STK24: variants seen among roughly 807,000 people sequenced by gnomAD.
STK24 encodes serine/threonine-protein kinase 24.
Under a neutral mutation model 55.6 loss-of-function variants are expected in STK24, and 21 were observed. That is an observed-to-expected ratio of 0.38 (90% confidence interval 0.27 to 0.54). The LOEUF is 0.54. Ranked by LOEUF, STK24 falls within the 20% of genes least tolerant of loss-of-function variation. STK24 has a pLI of 0.79. For synonymous variants in STK24, 200 were observed against 215.2 expected (o/e 0.93, Z 0.62); for missense variants, 383 against 538.4 (o/e 0.71, Z 2.86).
At chr13:98,540,490 T>C (rs1490600370) in intron 1 of STK24, among the ~76,000 whole-genome samples, 1 of 152,136 alleles carries the variant, frequency 6.6e-6, no homozygotes, top group East Asian at 1.9e-4. Flanking sequence ...TCTAGTAAAA[T>C]GCCTGGCACA....
intron 1 of STK24, among the ~76,000 whole-genome samples, chr13:98,555,681 C>CTTTTT (rs371915680): frequency 3.1e-5 from 4 of 129,282 alleles, no homozygotes; most frequent in African/African-American, 5.8e-5. Context: ...GCCTCCCTGT[C>CTTTTT]TTTTTTTTTT....
rs538665089 is a variant in STK24, at chr13:98,547,382, A to C, written c.43-27909T>G. Among the ~76,000 whole-genome samples, 11 of 152,220 alleles carry C rather than the reference A, an allele frequency of 7.2e-5. No individual in the cohort carries two copies. In the South Asian group the frequency reaches 2.1e-3, roughly 29 times the overall value. On this transcript the variant is annotated intron_variant, in intron 1 of 10. Coordinates refer to ENST00000539966, the MANE Select transcript of STK24 (RefSeq NM_001032296.4). ...GGAAACATAATGAGACCCCATCTCCACCAAAAATTTAAACAATGAGCCGGG... is the reference window on the plus strand; with the variant it reads ...GGAAACATAATGAGACCCCATCTCCCCCAAAAATTTAAACAATGAGCCGGG...
intron 1 of STK24, among the ~76,000 whole-genome samples, chr13:98,535,268 C>G (rs575531033): frequency 3.1e-4 from 47 of 151,100 alleles, no homozygotes; most frequent in African/African-American, 1.0e-3. Context: ...ATCTGGGAGA[C>G]GGAGGCTGCA....
chr13:98,535,875 G>A (rs1440147531), intron 1 of STK24, among the ~76,000 whole-genome samples: 1 of 152,202 alleles, frequency 6.6e-6, no homozygotes. Context: ...GGAGTAAAAT[G>A]TGATACCACT....
chr13:98,448,365 T>C lies in STK24; in HGVS notation c.*4808A>G. 3 of 1,405,178 alleles carry C rather than the reference T, an allele frequency of 2.1e-6. No individual in the cohort carries two copies. The highest frequency in any genetic ancestry group is 3.0e-6 in the Non-Finnish European group (3 of 989,440). The allele number at this position is 1,405,178 out of a possible 1,614,324, so 87.0% of individuals were successfully genotyped here. ...CAGTGGCTGCTTTCCTGGAAGACGTTTCCTTTCTTCTGTATTAATGAAGCC... is the reference window on the plus strand; with the variant it reads ...CAGTGGCTGCTTTCCTGGAAGACGTCTCCTTTCTTCTGTATTAATGAAGCC... On this transcript the variant is annotated 3_prime_UTR_variant, in exon 11 of 11. Transcript: ENST00000539966.
At chr13:98,519,930 GA>G (rs371105747) in intron 1 of STK24, among the ~76,000 whole-genome samples, 5 of 149,636 alleles carry the variant, frequency 3.3e-5, no homozygotes, top group Admixed American at 6.7e-5. Context: ...TCACAGAACA[GA>G]AAAAAAAACG....
intron 1 of STK24, among the ~76,000 whole-genome samples, chr13:98,551,045 G>A (rs1897147482): frequency 1.3e-5 from 2 of 152,106 alleles, no homozygotes; most frequent in African/African-American, 4.8e-5. Context: ...CCAGCACTTT[G>A]GGAGGCCGAG....
At chr13:98,461,124 T>A (rs9584852) in intron 8 of STK24, among the ~76,000 whole-genome samples, 35 of 152,076 alleles carry the variant, frequency 2.3e-4, no homozygotes, top group African/African-American at 7.7e-4. Context: ...CAGGTCAAGA[T>A]TGGCCATTCC....
chr13:98,513,007 T>C (rs1299905402), intron 2 of STK24, among the ~76,000 whole-genome samples: 1 of 152,148 alleles, frequency 6.6e-6, no homozygotes, highest in Non-Finnish European at 1.5e-5. Flanking sequence ...CCCATCGGGG[T>C]CCACTTGCTG....
chr13:98,550,196 G>A (rs1317477503), intron 1 of STK24, among the ~76,000 whole-genome samples: 1 of 152,168 alleles, frequency 6.6e-6, no homozygotes, highest in African/African-American at 2.4e-5. Context: ...TACAACTGAG[G>A]GAATTCTCTA....
At chr13:98,549,735 C>A (rs2139432865) in intron 1 of STK24, among the ~76,000 whole-genome samples, 1 of 152,336 alleles carries the variant, frequency 6.6e-6, no homozygotes, top group Middle Eastern at 3.4e-3. Context: ...CCAACTAAAC[C>A]TCTTTCCTTT....
chr13:98,462,235 A>C (rs1054948870), intron 7 of STK24, among the ~76,000 whole-genome samples: 5 of 151,782 alleles, frequency 3.3e-5, no homozygotes, highest in Non-Finnish European at 5.9e-5. Context: ...TCCTCCTCTC[A>C]CCAGGGAAGC....
At chr13:98,520,788 A>G in intron 1 of STK24, among the ~76,000 whole-genome samples, 1 of 152,254 alleles carries the variant, frequency 6.6e-6, no homozygotes, top group East Asian at 1.9e-4. Context: ...TGCAGGCCTT[A>G]CAGTGCTACA....
intron 1 of STK24, among the ~76,000 whole-genome samples, chr13:98,532,962 C>G (rs1387768711): frequency 6.6e-6 from 1 of 152,206 alleles, no homozygotes; most frequent in Non-Finnish European, 1.5e-5. Flanking sequence ...TATTTTATCC[C>G]TACAATAATC....
Position 98,519,226 on chromosome 13 carries a change from G to A in STK24, c.273+17C>T, listed in dbSNP as rs201649416. On this transcript the variant is annotated intron_variant, in intron 2 of 10. Coordinates refer to ENST00000539966, the MANE Select transcript of STK24 (RefSeq NM_001032296.4). ...CAAGTGCTGCAGAACGGAGAAGCACGTTATTTTAAGCCTTACCTTCAGATA... is the reference window on the plus strand; with the variant it reads ...CAAGTGCTGCAGAACGGAGAAGCACATTATTTTAAGCCTTACCTTCAGATA... 346 of 1,604,448 alleles carry A rather than the reference G, an allele frequency of 2.2e-4. 1 individual carries two copies. In the African/African-American group the frequency reaches 4.4e-3, roughly 20 times the overall value.
rs557818235 is a variant in STK24 at position 98,499,888 on chromosome 13, G to T, written c.274-17567C>A. Among the ~76,000 whole-genome samples the T allele has an allele frequency of 2.4e-4, 36 of 152,154 alleles. 1 individual carries two copies. The highest frequency in any genetic ancestry group is 4.3e-4 in the Non-Finnish European group (29 of 68,022). On this transcript the variant is annotated intron_variant, in intron 2 of 10. Transcript: ENST00000539966. The stretch of plus-strand genomic sequence containing the variant: ...CATACCCACCTGAGGCAGAGAACAC[G>T]AAAAATTGAGACAAAAAGATTTCAG...
intron 2 of STK24, among the ~76,000 whole-genome samples, chr13:98,494,046 G>A (rs1380264627): frequency 6.7e-6 from 1 of 150,152 alleles, no homozygotes; most frequent in African/African-American, 2.4e-5. Flanking sequence ...GCTTCACCGT[G>A]TTAGCCAGGA....
At chr13:98,503,279 T>C (rs372514266) in intron 2 of STK24, among the ~76,000 whole-genome samples, 17 of 152,310 alleles carry the variant, frequency 1.1e-4, no homozygotes, top group African/African-American at 4.1e-4. Context: ...AGACTAAGAA[T>C]GTGCCTGCCG....
In STK24 at chr13:98,535,357, CA is replaced by C. The variant is rs1276298673; in HGVS notation, c.43-15885del. On this transcript the variant is annotated intron_variant, in intron 1 of 10. Transcript: ENST00000539966. ...TGTCTCAAACAAACAAACAAACAAA[CA>C]AACAAAAAAAAAATATATATATATA... 3.0e-4 allele frequency among the ~76,000 whole-genome samples: 11 copies of C among 37,068 alleles called. 1 individual carries two copies. The South Asian group carries it at 8.8e-3, about 30-fold the overall frequency. The allele number at this position is 37,068 out of a possible 152,430, so 24.3% of individuals were successfully genotyped here. A position where few individuals can be genotyped will look rare whatever the true frequency, so the allele number is the denominator to read the frequency against.
Sources: allele counts gnomAD v4.1 joint callset (sites outside exome capture counted in the v4.1 genomes callset), GRCh38; gene constraint gnomAD v4.1.1; transcripts MANE v1.5; gene names NCBI Gene and HGNC (gene_info 2026-07-23, HGNC 2026-07-21).